Variants in THSD7A observed in about 807,000 individuals in gnomAD.
The protein encoded by THSD7A is thrombospondin type 1 domain containing 7A.
A neutral mutation model predicts 231.3 loss-of-function variants in THSD7A; 96 were observed. That is an observed-to-expected ratio of 0.41 (90% CI 0.35 to 0.49). The LOEUF (loss-of-function observed/expected upper bound fraction) is 0.49, where lower values mean the gene tolerates loss of function less well. THSD7A is among the 20% of genes least tolerant of loss of function. The pLI, the probability that THSD7A is intolerant of heterozygous loss-of-function variation, is 0.05. For missense variants in THSD7A, 2,290 were observed against 2,070.2 expected (o/e 1.11, Z -2.06); for synonymous variants, 940 against 743.3 (o/e 1.26, Z -4.30).
intron 1 of THSD7A, among the ~76,000 whole-genome samples, chr7:11,693,302 T>G (rs1295361786): frequency 6.6e-6 from 1 of 151,514 alleles, no homozygotes; most frequent in Non-Finnish European, 1.5e-5. Flanking sequence ...TCTAGTAAAT[T>G]TACACATCTA....
chr7:11,474,644 A>C lies in THSD7A; in HGVS notation c.2018-76T>G. The C allele has an allele frequency of 8.4e-7, 1 of 1,191,412 alleles. No individual in the cohort carries two copies. Among genetic ancestry groups the C allele is most frequent in the Non-Finnish European group, 1.2e-6 (1 of 854,624 alleles). 73.8% of individuals were successfully genotyped at this position (1,191,412 alleles called of 1,614,324 possible). On this transcript the variant is annotated intron_variant, in intron 7 of 27. Transcript: ENST00000423059. The surrounding 1 kb of genome is among the most constrained non-coding windows in gnomAD (Gnocchi z 4.1). ...TTACCATACTCTGTTCTTTGGAATT[A>C]ACATGGCTTAGAAATAAAAAGTGAC...
At chr7:11,522,614 T>C (rs1256851832) in intron 6 of THSD7A, among the ~76,000 whole-genome samples, 2 of 143,172 alleles carry the variant, frequency 1.4e-5, no homozygotes, top group African/African-American at 5.6e-5. Context: ...GAATTTTGTA[T>C]CACTAATTAT....
At chr7:11,506,202 A>G (rs1274327294) in intron 6 of THSD7A, among the ~76,000 whole-genome samples, 13 of 152,138 alleles carry the variant, frequency 8.5e-5, no homozygotes, top group Admixed American at 7.9e-4. Context: ...TGTGTTAGCC[A>G]TGATGGTTTC....
In THSD7A at chr7:11,406,349, A is replaced by C; in HGVS notation, c.4188T>G (p.Asp1396Glu). Reference sequence around the variant, plus strand: ...CCTCCAGAACCATATTTTTATTACCATCTATAATGAGTTCAATGTCAGCAC... The same window carrying C: ...CCTCCAGAACCATATTTTTATTACCCTCTATAATGAGTTCAATGTCAGCAC... ...EFCADIELIIDGNKNMVLEES... is the reference protein window; with the variant it reads ...EFCADIELIIEGNKNMVLEES... The change falls in exon 22 of 28, where the codon GAT becomes GAG. Residue 1396 changes from aspartate to glutamate, a missense_variant. Transcript: ENST00000423059. This position sits in a 1 kb window ranked among gnomAD's most constrained non-coding sequence, Gnocchi z 4.7. 1 of 1,613,478 alleles carries C rather than the reference A, an allele frequency of 6.2e-7. No individual in the cohort carries two copies. Among genetic ancestry groups the C allele is most frequent in the Non-Finnish European group, 8.5e-7 (1 of 1,179,718 alleles).
At chr7:11,574,220 T>C (rs1017505580) in intron 4 of THSD7A, among the ~76,000 whole-genome samples, 4 of 148,516 alleles carry the variant, frequency 2.7e-5, no homozygotes, top group East Asian at 2.0e-4. Context: ...ATAGTGCTTA[T>C]TGCTCTTTGA....
chr7:11,395,523 T>TG (rs1491207589), intron 23 of THSD7A, among the ~76,000 whole-genome samples: 2 of 122,894 alleles, frequency 1.6e-5, no homozygotes, highest in Non-Finnish European at 3.2e-5. Context: ...ATATGCATTC[T>TG]TTTTTTTTTT....
chr7:11,584,289 A>T (rs1204508537), intron 4 of THSD7A, among the ~76,000 whole-genome samples: 1 of 152,144 alleles, frequency 6.6e-6, no homozygotes, highest in East Asian at 1.9e-4. Flanking sequence ...AATTATTAAT[A>T]ATTGATTATA....
intron 16 of THSD7A, among the ~76,000 whole-genome samples, chr7:11,420,962 C>A (rs1313887563): frequency 1.3e-5 from 2 of 152,144 alleles, no homozygotes; most frequent in Admixed American, 6.5e-5. Flanking sequence ...GAATATCTCC[C>A]ATTTGGAATG....
At chr7:11,592,081 T>C (rs1780188554) in intron 3 of THSD7A, among the ~76,000 whole-genome samples, 1 of 152,100 alleles carries the variant, frequency 6.6e-6, no homozygotes, top group South Asian at 2.1e-4. Flanking sequence ...GGAGAGAAAA[T>C]ACAGGAAATC....
intron 1 of THSD7A, among the ~76,000 whole-genome samples, chr7:11,717,963 A>G (rs1315661385): frequency 1.3e-5 from 2 of 151,734 alleles, no homozygotes. Context: ...TCCAAAATTC[A>G]AAATTTCATC....
At chr7:11,821,717 TC>T (rs957549858) in intron 1 of THSD7A, among the ~76,000 whole-genome samples, 5 of 152,128 alleles carry the variant, frequency 3.3e-5, no homozygotes, top group Admixed American at 2.6e-4. Flanking sequence ...ACTTGGAACC[TC>T]CTACAAAATT....
chr7:11,733,627 A>G (rs766478612), intron 1 of THSD7A, among the ~76,000 whole-genome samples: 1 of 151,842 alleles, frequency 6.6e-6, no homozygotes, highest in Non-Finnish European at 1.5e-5. Flanking sequence ...CACAGAAGGC[A>G]GGAAGTGAAG....
intron 1 of THSD7A, among the ~76,000 whole-genome samples, chr7:11,722,515 C>G (rs1781392165): frequency 6.6e-6 from 1 of 151,820 alleles, no homozygotes; most frequent in Non-Finnish European, 1.5e-5. Context: ...GGTCCTGTGG[C>G]CCCCACCCAG....
intron 9 of THSD7A, among the ~76,000 whole-genome samples, chr7:11,468,222 G>T (rs2092728581): frequency 6.6e-6 from 1 of 151,756 alleles, no homozygotes; most frequent in Non-Finnish European, 1.5e-5. Flanking sequence ...AAGTATAAAG[G>T]CATCAAGAAC....
rs1782104022 is a variant in THSD7A at position 11,372,718 on chromosome 7, C to A, written c.*3076G>T. On this transcript the variant is annotated 3_prime_UTR_variant, in exon 28 of 28. Transcript: ENST00000423059. ...GGAACAGCAGTTCTACATCTTTTAC[C>A]CCCTCGGTGAGGTAAAAGTGTCAAT... 1 of 151,934 alleles carries A rather than the reference C, an allele frequency of 6.6e-6. No homozygotes were observed. Among genetic ancestry groups the A allele is most frequent in the Admixed American group, 6.6e-5 (1 of 15,212 alleles). The allele number at this position is 151,934 out of a possible 1,614,324, so 9.4% of individuals were successfully genotyped here. A position where few individuals can be genotyped will look rare whatever the true frequency, so the allele number is the denominator to read the frequency against.
intron 6 of THSD7A, among the ~76,000 whole-genome samples, chr7:11,512,237 A>G (rs1787841535): frequency 6.6e-6 from 1 of 152,224 alleles, no homozygotes; most frequent in African/African-American, 2.4e-5. Flanking sequence ...ACAATGAGAT[A>G]CCACCTCACA....
chr7:11,589,098 G>T (rs1038769131), intron 4 of THSD7A, among the ~76,000 whole-genome samples: 2 of 152,012 alleles, frequency 1.3e-5, no homozygotes, highest in Admixed American at 1.3e-4. Flanking sequence ...CATTTCTCTT[G>T]GTTCTTTACC....
intron 8 of THSD7A, among the ~76,000 whole-genome samples, chr7:11,472,482 T>C (rs1190989231): frequency 6.6e-6 from 1 of 152,166 alleles, no homozygotes; most frequent in Non-Finnish European, 1.5e-5. Flanking sequence ...AATAATATTT[T>C]CTTTTGAATT....
chr7:11,625,777 A>G (rs547198950), intron 2 of THSD7A, among the ~76,000 whole-genome samples: 1 of 152,228 alleles, frequency 6.6e-6, no homozygotes, highest in East Asian at 1.9e-4. Context: ...TTTTGAAAGT[A>G]TTTCCTCCTA....
Sources: gnomAD v4.1 joint callset for allele counts (sites outside exome capture counted in the v4.1 genomes callset) on GRCh38, gnomAD v4.1.1 for gene constraint, Gnocchi (gnomAD v3.1) non-coding constraint, MANE v1.5 for transcripts, NCBI Gene and HGNC (gene_info 2026-07-23, HGNC 2026-07-21) for gene names.